WDR77: variants seen among roughly 807,000 people sequenced by gnomAD.
WDR77 encodes methylosome protein WDR77.
Under a neutral mutation model 44.0 loss-of-function variants are expected in WDR77, and 31 were observed. The observed-to-expected ratio is 0.70, with a 90% CI of 0.53 to 0.95. WDR77 has a LOEUF of 0.95. WDR77 is among the 40% of genes least tolerant of loss of function. The pLI is 0.00. For missense variants in WDR77, 390 were observed against 423.9 expected, an observed-to-expected ratio of 0.92 and a Z score of 0.70; for synonymous variants, 186 against 165.7, an observed-to-expected ratio of 1.12 and a Z score of -0.94.
intron 6 of WDR77, 173 bp downstream of exon 6, chr1:111,443,694 T>G: frequency 4.1e-6 from 4 of 985,444 alleles, no homozygotes; most frequent in Non-Finnish European, 4.8e-6. Context: ...CTCTTGGTAT[T>G]CATTGCACAG....
In WDR77 at chr1:111,447,204, G is replaced by A. The variant is rs544575383; in HGVS notation, c.444-60C>T. On this transcript the variant is annotated intron_variant, in intron 3 of 9. Transcript: ENST00000235090. Reference sequence around the variant, plus strand: ...ACCTACACTATCAACATAAAAACGTGTTCAAACAAGAACTTCCTGTAATCA... The same window carrying A: ...ACCTACACTATCAACATAAAAACGTATTCAAACAAGAACTTCCTGTAATCA... 3 of 1,593,910 alleles carry A rather than the reference G, an allele frequency of 1.9e-6. No homozygotes were observed. In the Admixed American group the frequency reaches 5.1e-5, roughly 27 times the overall value.
rs1652777035 is a variant in WDR77 at position 111,440,888 on chromosome 1, T to G, written c.*342A>C. ...ACACGGCCAATTCCTCATAGACAGC[T>G]ACATAAAACCCTTTCGTCAACTTGT... On this transcript the variant is annotated 3_prime_UTR_variant, in exon 10 of 10. Transcript: ENST00000235090. 6.1e-6 allele frequency: 1 copy of G among 165,204 alleles called. No individual in the cohort carries two copies. Among genetic ancestry groups the G allele is most frequent in the African/African-American group, 2.4e-5 (1 of 41,942 alleles). 10.2% of individuals were successfully genotyped at this position (165,204 alleles called of 1,614,324 possible).
Position 111,441,301 on chromosome 1 carries a change from G to A in WDR77, c.958C>T (p.His320Tyr). The change falls in exon 10 of 10, where the codon CAT becomes TAT. Residue 320 changes from histidine to tyrosine, a missense_variant. Coordinates refer to ENST00000235090, the MANE Select transcript of WDR77 (RefSeq NM_024102.4). The part of the protein sequence containing the change: ...HSLLTTVGWD[H>Y]QVVHHVVPTE... ...GGCACAACGTGGTGGACGACCTGAT[G>A]GTCCCAGCCCACTGTGGTAAGCAGG... The A allele has an allele frequency of 6.3e-7, 1 of 1,586,610 alleles. No homozygotes were observed. The highest frequency in any genetic ancestry group is 8.6e-7 in the Non-Finnish European group (1 of 1,164,302).
At position 111,440,241 on chromosome 1, in the gene WDR77, C is replaced by A. The variant is rs530099696; in HGVS notation, c.*989G>T. On this transcript the variant is annotated 3_prime_UTR_variant, in exon 10 of 10. Coordinates refer to ENST00000235090, the MANE Select transcript of WDR77 (RefSeq NM_024102.4). ...CACATAAGTGAAATATATCTAACTACACATAACACACATGCTTCAAAAAAG... is the reference window on the plus strand; with the variant it reads ...CACATAAGTGAAATATATCTAACTAAACATAACACACATGCTTCAAAAAAG... 57 of 152,320 alleles carry A rather than the reference C, an allele frequency of 3.7e-4. No individual in the cohort carries two copies. Among genetic ancestry groups the A allele is most frequent in the African/African-American group, 1.4e-3 (57 of 41,554 alleles). The allele number at this position is 152,320 out of a possible 1,614,324, so 9.4% of individuals were successfully genotyped here. A position where few individuals can be genotyped will look rare whatever the true frequency, so the allele number is the denominator to read the frequency against.
intron 1 of WDR77, 82 bp from the exon 2 acceptor site, chr1:111,448,886 G>A (rs936277179): frequency 4.5e-6 from 7 of 1,545,726 alleles, no homozygotes; most frequent in Middle Eastern, 1.7e-4. Context: ...CGTTCCGGCC[G>A]GGTCTGGATC....
rs1652924984 is a variant in WDR77, at chr1:111,444,121, T to C, written c.497A>G (p.His166Arg). The stretch of plus-strand genomic sequence containing the variant: ...AGCAACACAAGTGACCTGAGCAGCA[T>C]GAGCTATAAAGGAGAGAGAAAGAGA... ...QQVVLSSYRA[H>R]AAQVTCVAAS... The change falls in exon 5 of 10, where the codon CAT becomes CGT. Residue 166 changes from histidine (H) to arginine (R), a missense_variant. Physicochemically the swap from His to Arg is conservative, Grantham distance 29. Coordinates refer to ENST00000235090, the MANE Select transcript of WDR77 (RefSeq NM_024102.4). 6.2e-7 allele frequency: 1 copy of C among 1,613,384 alleles called. No homozygotes were observed. Among genetic ancestry groups the C allele is most frequent in the African/African-American group, 1.3e-5 (1 of 74,784 alleles).
chr1:111,443,314 C>T lies in WDR77; in HGVS notation c.691+9G>A. On this transcript the variant is annotated intron_variant, in intron 7 of 9. Coordinates refer to ENST00000235090, the MANE Select transcript of WDR77 (RefSeq NM_024102.4). ...CAGAGTCAATATGAAGTCTGACACGCTGCCTTACCAAAGACAAAGACTTCA... is the reference window on the plus strand; with the variant it reads ...CAGAGTCAATATGAAGTCTGACACGTTGCCTTACCAAAGACAAAGACTTCA... 1 of 1,551,346 alleles carries T rather than the reference C, an allele frequency of 6.4e-7. No individual in the cohort carries two copies. The highest frequency in any genetic ancestry group is 8.7e-7 in the Non-Finnish European group (1 of 1,146,762).
chr1:111,448,755 G>A lies in WDR77; in HGVS notation c.165C>T (p.Ala55=), dbSNP rs372027248. Residue 55 remains alanine, a synonymous_variant, in exon 2 of 10, where the codon GCC becomes GCT. Coordinates refer to ENST00000235090, the MANE Select transcript of WDR77 (RefSeq NM_024102.4). ...GGTCCTTAAAAAGCCAGAGGGAGCC[G>A]GCCCAGCAGCGCCCACTCAGGCTGG... The part of the protein sequence containing the change: ...GASSLSGRCW[A]GSLWLFKDPC... 1.9e-6 allele frequency: 3 copies of A among 1,608,864 alleles called. No individual in the cohort carries two copies. The African/African-American group carries it at 4.0e-5, about 22-fold the overall frequency.
At chr1:111,448,500 A>C in intron 2 of WDR77, 119 bp downstream of exon 2, 1 of 1,210,056 alleles carries the variant, frequency 8.3e-7, no homozygotes, top group South Asian at 1.4e-5. Flanking sequence ...CAACACTCTC[A>C]GGCTCCTCCA....
chr1:111,441,254 AG>A lies in WDR77; in HGVS notation c.1004del (p.Pro335LeufsTer20). The A allele has an allele frequency of 6.4e-7, 1 of 1,564,334 alleles. No homozygotes were observed. Among genetic ancestry groups the A allele is most frequent in the Non-Finnish European group, 8.7e-7 (1 of 1,155,394 alleles). ...HVVPTEPLPA[P>X]GPASVTE ...TCTACTCAGTAACACTTGCAGGTCC[AG>A]GGGCTGGGAGAGGTTCTGTGGGCAC... On this transcript the variant is annotated frameshift_variant, in exon 10 of 10. Transcript: ENST00000235090. LOFTEE classifies it high-confidence loss of function.
chr1:111,443,727 T>G, intron 6 of WDR77, 140 bp downstream of exon 6: 1 of 1,494,154 alleles, frequency 6.7e-7, no homozygotes, highest in Non-Finnish European at 8.9e-7. Context: ...AGAGCCTCAC[T>G]GGAAAAGAAG....
chr1:111,442,644 G>A lies in WDR77; in HGVS notation c.800+9C>T, dbSNP rs200135148. ...TACCCATCAGGCCCCTGATGACAAA[G>A]AACAGTACCTGTGTGGGGAGAACAC... On this transcript the variant is annotated intron_variant, in intron 8 of 9. Transcript: ENST00000235090. The A allele has an allele frequency of 3.2e-6, 5 of 1,550,002 alleles. No individual in the cohort carries two copies. The highest frequency in any genetic ancestry group is 4.6e-5 in the East Asian group (2 of 43,582).
intron 6 of WDR77, 85 bp from the exon 7 acceptor site, chr1:111,443,479 A>G: frequency 2.1e-6 from 3 of 1,404,042 alleles, no homozygotes; most frequent in Non-Finnish European, 2.9e-6. Context: ...AAATCCTGGG[A>G]GCACCTTTAT....
intron 5 of WDR77, 56 bp from the exon 6 acceptor site, chr1:111,443,977 C>T: frequency 6.2e-7 from 1 of 1,613,422 alleles, no homozygotes; most frequent in Non-Finnish European, 8.5e-7. Flanking sequence ...CAGTTGCAGG[C>T]CAGAAAGTCT....
intron 2 of WDR77, among the ~76,000 whole-genome samples, chr1:111,448,015 T>C (rs1208069581): frequency 6.6e-6 from 1 of 152,198 alleles, no homozygotes; most frequent in Non-Finnish European, 1.5e-5. Context: ...TCTTTAAAAA[T>C]ATGTTGAATA....
chr1:111,444,466 C>T (rs1280148271), intron 4 of WDR77, among the ~76,000 whole-genome samples: 2 of 152,018 alleles, frequency 1.3e-5, no homozygotes, highest in African/African-American at 4.8e-5. Flanking sequence ...GTACACACAC[C>T]TCCAAGTAGT....
At chr1:111,446,357 G>A (rs537582229) in intron 4 of WDR77, among the ~76,000 whole-genome samples, 30 of 152,216 alleles carry the variant, frequency 2.0e-4, no homozygotes, top group African/African-American at 6.3e-4. Context: ...AGCAGAAAGA[G>A]GGGCATTAAA....
chr1:111,440,348 G>A lies in WDR77; in HGVS notation c.*882C>T, dbSNP rs1044469. ...CTTGATACTGGATTTTAAAACCTTA[G>A]AAGTCTATAAATACTGCATTCAGAC... On this transcript the variant is annotated 3_prime_UTR_variant, in exon 10 of 10. Transcript: ENST00000235090. 1.3e-5 allele frequency: 2 copies of A among 152,140 alleles called. No homozygotes were observed. The highest frequency in any genetic ancestry group is 4.8e-5 in the African/African-American group (2 of 41,434). 9.4% of individuals were successfully genotyped at this position (152,140 alleles called of 1,614,324 possible).
intron 4 of WDR77, among the ~76,000 whole-genome samples, chr1:111,444,352 G>T (rs181822941): frequency 6.6e-6 from 1 of 151,966 alleles, no homozygotes; most frequent in East Asian, 1.9e-4. Context: ...TGAAGATAAT[G>T]AATGAGAAAT....
Sources: gnomAD v4.1 joint callset for allele counts (sites outside exome capture counted in the v4.1 genomes callset) on GRCh38, gnomAD v4.1.1 for gene constraint, MANE v1.5 for transcripts, NCBI Gene and HGNC (gene_info 2026-07-23, HGNC 2026-07-21) for gene names.